The following TNFRSF10A variants were observed in gnomAD, a reference collection of about 807,000 sequenced individuals.
The protein encoded by TNFRSF10A is tumor necrosis factor receptor superfamily member 10A.
TNFRSF10A carries 44 observed loss-of-function variants against 42.8 expected under a neutral mutation model. The ratio of observed to expected loss-of-function variants is 1.03; its 90% CI spans 0.81 to 1.32. The LOEUF is 1.32. Among genes scored for constraint, TNFRSF10A ranks in the 40% most tolerant of loss-of-function variants. The pLI is 0.00. For synonymous variants in TNFRSF10A, 259 were observed against 234.2 expected, an observed-to-expected ratio of 1.11 and a Z score of -0.97; for missense variants, 680 against 602.0, an observed-to-expected ratio of 1.13 and a Z score of -1.36.
intron 8 of TNFRSF10A, 139 bp downstream of exon 8, chr8:23,199,127 G>C: frequency 1.0e-6 from 1 of 958,654 alleles, no homozygotes; most frequent in Non-Finnish European, 1.5e-6. Context: ...CCTTGTGAGG[G>C]TGGCTGCTTT....
chr8:23,210,638 C>T (rs4872082), intron 2 of TNFRSF10A, among the ~76,000 whole-genome samples: 29,915 of 152,014 alleles, frequency 0.2, 3,573 homozygotes, highest in South Asian at 0.36. Context: ...GCCGAGATCG[C>T]GCCACTGCAC....
At chr8:23,207,926 G>C (rs1236795651) in intron 2 of TNFRSF10A, among the ~76,000 whole-genome samples, 1 of 149,964 alleles carries the variant, frequency 6.7e-6, no homozygotes, top group South Asian at 2.1e-4. Flanking sequence ...AACTAATACA[G>C]TAAATTGGTA....
intron 4 of TNFRSF10A, 41 bp downstream of exon 4, chr8:23,201,767 G>T (rs4872078): frequency 0.49 from 772,623 of 1,582,530 alleles, 198,882 homozygotes; most frequent in East Asian, 0.98. Context: ...GCTTCTGTGG[G>T]TTCTTTGAGG....
chr8:23,225,001 C>A lies in TNFRSF10A; in HGVS notation c.61G>T (p.Gly21Trp). Residue 21 changes from glycine to tryptophan, a missense_variant, in exon 1 of 10, where the codon GGG (glycine) becomes TGG (tryptophan). Coordinates refer to ENST00000221132, the MANE Select transcript of TNFRSF10A (RefSeq NM_003844.4). ...GAFLAVTPNP[G>W]SAASGTEAAA... ...GCCTCTGTCCCACTCGCTGCGCTCC[C>A]GGGATTCGGAGTCACTGCCAGGAAC... 1 of 1,589,626 alleles carries A rather than the reference C, an allele frequency of 6.3e-7. No homozygotes were observed. The highest frequency in any genetic ancestry group is 2.3e-5 in the East Asian group (1 of 44,250).
intron 9 of TNFRSF10A, among the ~76,000 whole-genome samples, chr8:23,192,952 A>G (rs776751068): frequency 3.9e-5 from 6 of 152,186 alleles, no homozygotes; most frequent in Non-Finnish European, 8.8e-5. Flanking sequence ...CCATGATGGG[A>G]TGTGGGACCC....
chr8:23,212,811 T>A (rs2128850436), intron 1 of TNFRSF10A, among the ~76,000 whole-genome samples: 1 of 152,334 alleles, frequency 6.6e-6, no homozygotes, highest in African/African-American at 2.4e-5. Flanking sequence ...ACAGCTACCA[T>A]CCTACTCAAT....
chr8:23,200,572 C>G lies in TNFRSF10A; in HGVS notation c.732G>C (p.Leu244Phe), dbSNP rs1218223272. The G allele has an allele frequency of 1.2e-6, 2 of 1,614,216 alleles. No homozygotes were observed. Residue 244 changes from leucine (L) to phenylalanine (F), a missense_variant, in exon 6 of 10, where the codon TTG (leucine) becomes TTC (phenylalanine). By Grantham distance (22) the Leu-to-Phe change is conservative. Transcript: ENST00000221132. ...GCAACGGAACAACCAAAGTCACAAC[C>G]AAAATCACCCATATATTATGTCCAT... ...SGNGHNIWVILVVTLVVPLLL... is the reference protein window; with the variant it reads ...SGNGHNIWVIFVVTLVVPLLL...
intron 1 of TNFRSF10A, among the ~76,000 whole-genome samples, chr8:23,216,829 A>AT (rs1801190587): frequency 1.3e-5 from 2 of 152,124 alleles, no homozygotes; most frequent in Admixed American, 1.3e-4. Context: ...TAATATTCAC[A>AT]TTTTTGGAGT....
At chr8:23,219,715 C>T (rs1263589602) in intron 1 of TNFRSF10A, among the ~76,000 whole-genome samples, 1 of 152,222 alleles carries the variant, frequency 6.6e-6, no homozygotes, top group East Asian at 1.9e-4. Context: ...CCAGCCGGTG[C>T]TGCTCCCCTC....
At chr8:23,217,269 G>A (rs1801197711) in intron 1 of TNFRSF10A, among the ~76,000 whole-genome samples, 1 of 151,866 alleles carries the variant, frequency 6.6e-6, no homozygotes, top group Non-Finnish European at 1.5e-5. Flanking sequence ...AGGCTGGAGT[G>A]CAGTGGCACA....
At position 23,210,561 on chromosome 8, in the gene TNFRSF10A, A is replaced by G. The variant is rs762245688; in HGVS notation, c.403+1555T>C. Among the ~76,000 whole-genome samples the G allele has an allele frequency of 1.3e-5, 2 of 152,186 alleles. 1 individual carries two copies. The highest frequency in any genetic ancestry group is 2.9e-5 in the Non-Finnish European group (2 of 68,026). On this transcript the variant is annotated intron_variant, in intron 2 of 9. Transcript: ENST00000221132. ...GCTGGGCGTGGTGGCAGGCGCCTGT[A>G]GTCCCTGCTACTTGGAAGGCTGAGG...
chr8:23,219,463 T>C (rs7835716), intron 1 of TNFRSF10A, among the ~76,000 whole-genome samples: 26,762 of 131,804 alleles, frequency 0.2, 2,922 homozygotes, highest in East Asian at 0.59. Flanking sequence ...CTCAGAGGAC[T>C]TTAGCCCTGC....
Position 23,191,734 on chromosome 8 carries a change from T to A in TNFRSF10A, c.1367A>T (p.Tyr456Phe), listed in dbSNP as rs756496830. 1.2e-6 allele frequency: 2 copies of A among 1,614,176 alleles called. No individual in the cohort carries two copies. Among genetic ancestry groups the A allele is most frequent in the Non-Finnish European group, 8.5e-7 (1 of 1,180,026 alleles). The change falls in exon 10 of 10, where the codon TAC (tyrosine) becomes TTC (phenylalanine). Residue 456 changes from tyrosine (Y) to phenylalanine (F), a missense_variant. Transcript: ENST00000221132. ...DLLVDSGKFI[Y>F]LEDGTGSAVS... ...GGCAGAGCCTGTGCCATCTTCTAAG[T>A]AGATGAACTTTCCAGAGTCCACCAA...
rs777185386 is a variant in TNFRSF10A, at chr8:23,224,763, AG to A, written c.298del (p.Leu100CysfsTer143). ...KTFKFVVVGV[L>X]LQVVPSSAAT... is the part of the protein sequence containing the mutation. Reference sequence around the variant, plus strand: ...ACCGCGGTGGGGACTCACCTGCAGCAGGACCCCGACGACGACAAACTTGAAG... The same window carrying A: ...ACCGCGGTGGGGACTCACCTGCAGCAGACCCCGACGACGACAAACTTGAAG... On this transcript the variant is annotated frameshift_variant, in exon 1 of 10. Coordinates refer to ENST00000221132, the MANE Select transcript of TNFRSF10A (RefSeq NM_003844.4). LOFTEE classifies it high-confidence loss of function. 2.3e-4 allele frequency: 363 copies of A among 1,565,740 alleles called. No homozygotes were observed. The highest frequency in any genetic ancestry group is 3.0e-4 in the Non-Finnish European group (351 of 1,155,480).
chr8:23,194,357 A>T (rs1312908308), intron 9 of TNFRSF10A, among the ~76,000 whole-genome samples: 1 of 152,238 alleles, frequency 6.6e-6, no homozygotes, highest in Non-Finnish European at 1.5e-5. Context: ...TCCTTACTAA[A>T]CAAGTCAGCT....
chr8:23,199,435 C>T lies in TNFRSF10A; in HGVS notation c.845G>A (p.Arg282His), dbSNP rs144670447. The T allele has an allele frequency of 1.9e-4, 309 of 1,611,790 alleles. 1 individual carries two copies. Among genetic ancestry groups the T allele is most frequent in the African/African-American group, 3.2e-4 (24 of 74,992 alleles). ...PKCMDRVCFW[R>H]LGLLRGPGAE... ...CCCAGGCCCTCGTAGGAGACCCAAG[C>T]GCCAGAAACACACCTTAGGAAGGCA... Residue 282 changes from arginine (R) to histidine (H), a missense_variant, in exon 8 of 10, where the codon CGC (arginine) becomes CAC (histidine). Transcript: ENST00000221132.
Position 23,213,436 on chromosome 8 carries a change from C to CTTTTTTT in TNFRSF10A, c.307-1231_307-1225dup, listed in dbSNP as rs58691757. Among the ~76,000 whole-genome samples, 33 of 68,654 alleles carry CTTTTTTT rather than the reference C, an allele frequency of 4.8e-4. 3 individuals are homozygous for CTTTTTTT. The highest frequency in any genetic ancestry group is 7.9e-4 in the African/African-American group (13 of 16,488). 45.0% of individuals were successfully genotyped at this position (68,654 alleles called of 152,430 possible). Reference sequence around the variant, plus strand: ...GCTGGTTTGGGCTTAGTTTGCTCCTCTTTTTTTTTTTTTTTTTTTTTTTTT... The same window carrying CTTTTTTT: ...GCTGGTTTGGGCTTAGTTTGCTCCTCTTTTTTTTTTTTTTTTTTTTTTTTTTTTTTTT... On this transcript the variant is annotated intron_variant, in intron 1 of 9. Coordinates refer to ENST00000221132, the MANE Select transcript of TNFRSF10A (RefSeq NM_003844.4).
intron 2 of TNFRSF10A, among the ~76,000 whole-genome samples, chr8:23,205,668 G>C (rs918459414): frequency 6.6e-6 from 1 of 151,300 alleles, no homozygotes; most frequent in Non-Finnish European, 1.5e-5. Flanking sequence ...CAGTGATGTT[G>C]ATGAACCTGT....
At chr8:23,194,180 G>T (rs554462437) in intron 9 of TNFRSF10A, among the ~76,000 whole-genome samples, 1 of 152,310 alleles carries the variant, frequency 6.6e-6, no homozygotes, top group Admixed American at 6.5e-5. Flanking sequence ...AAAGGTAAAA[G>T]CTATTGGATC....
Sources: gnomAD v4.1 joint callset for allele counts (sites outside exome capture counted in the v4.1 genomes callset) on GRCh38, gnomAD v4.1.1 for gene constraint, MANE v1.5 for transcripts, NCBI Gene and HGNC (gene_info 2026-07-23, HGNC 2026-07-21) for gene names.